The following C9orf50 variants were observed in gnomAD, a reference collection of about 807,000 sequenced individuals.
C9orf50 encodes the protein chromosome 9 open reading frame 50.
In C9orf50, 33 loss-of-function variants were observed where a neutral mutation model predicts 42.5. The observed-to-expected ratio is 0.78, with a 90% CI of 0.59 to 1.04. C9orf50 has a LOEUF of 1.04. C9orf50 is among the 50% of genes least tolerant of loss of function. C9orf50 has a pLI of 0.00. For synonymous variants in C9orf50, 257 were observed against 273.4 expected (o/e 0.94, Z 0.59); for missense variants, 547 against 594.3 (o/e 0.92, Z 0.83).
chr9:129,619,713 C>A (rs200420270), intron 2 of C9orf50, 27 bp downstream of exon 2: 60 of 1,612,804 alleles, frequency 3.7e-5, no homozygotes, highest in Admixed American at 2.0e-4. Context: ...CAACCCCGTC[C>A]CCACCAAGAA....
rs975184925 is a variant in C9orf50, at chr9:129,617,687, G to T, written c.716+1833C>A. Among the ~76,000 whole-genome samples, 24 of 151,916 alleles carry T rather than the reference G, an allele frequency of 1.6e-4. No individual in the cohort carries two copies. In the East Asian group the frequency reaches 3.3e-3, roughly 21 times the overall value. The stretch of plus-strand genomic sequence containing the variant: ...TAAATGTGTTTCACTGTTTTTGTTT[G>T]TTTGTTTGTTTTTTGAGACAGGGTC... On this transcript the variant is annotated intron_variant, in intron 3 of 6. Transcript: ENST00000372478.
intron 3 of C9orf50, among the ~76,000 whole-genome samples, chr9:129,616,363 G>A (rs1055820762): frequency 2.0e-5 from 3 of 152,106 alleles, no homozygotes; most frequent in Non-Finnish European, 4.4e-5. Context: ...CTACAGGCGT[G>A]TGCCACCACG....
At chr9:129,612,698 T>C (rs919681221) in intron 6 of C9orf50, among the ~76,000 whole-genome samples, 4 of 152,166 alleles carry the variant, frequency 2.6e-5, no homozygotes, top group African/African-American at 9.7e-5. Flanking sequence ...GCCAGCATAG[T>C]GAAACCCTGT....
intron 4 of C9orf50, among the ~76,000 whole-genome samples, chr9:129,615,169 G>A (rs78418238): frequency 0.013 from 1,935 of 152,348 alleles, 44 homozygotes; most frequent in African/African-American, 0.041. Context: ...AGGGGAGCAA[G>A]TGTGGGCTCT....
intron 3 of C9orf50, among the ~76,000 whole-genome samples, chr9:129,617,007 C>T (rs990699493): frequency 6.6e-6 from 1 of 151,898 alleles, no homozygotes; most frequent in Non-Finnish European, 1.5e-5. Flanking sequence ...GTAGAGGTTG[C>T]AGTGAGCCGA....
At chr9:129,612,626 C>T (rs1277771140) in intron 6 of C9orf50, among the ~76,000 whole-genome samples, 172 bp from the exon 7 acceptor site, 1 of 152,176 alleles carries the variant, frequency 6.6e-6, no homozygotes, top group Non-Finnish European at 1.5e-5. Flanking sequence ...GCCTGTAATC[C>T]CAGCAGTTTG....
intron 3 of C9orf50, 128 bp from the exon 4 acceptor site, chr9:129,615,775 C>T: frequency 9.6e-7 from 1 of 1,045,350 alleles, no homozygotes. Flanking sequence ...TGGATAACGC[C>T]AATCACAGCA....
intron 4 of C9orf50, among the ~76,000 whole-genome samples, chr9:129,615,194 C>T (rs549112111): frequency 5.3e-5 from 8 of 152,182 alleles, no homozygotes; most frequent in South Asian, 2.1e-4. Flanking sequence ...GCTCCGGCTA[C>T]GGGTCTCAAG....
chr9:129,617,643 T>C (rs1346194296), intron 3 of C9orf50, among the ~76,000 whole-genome samples: 1 of 152,232 alleles, frequency 6.6e-6, no homozygotes, highest in Non-Finnish European at 1.5e-5. Flanking sequence ...GCCTGATTGG[T>C]TGAACGTTCT....
Position 129,619,656 on chromosome 9 carries a change from C to T in C9orf50, c.600-20G>A, listed in dbSNP as rs1830572241. On this transcript the variant is annotated intron_variant, in intron 2 of 6. Coordinates refer to ENST00000372478, the Ensembl canonical transcript of C9orf50. ...TGGCCCCTTAAAGACAAACAGGCCACATCTGGCATGAGTGGCCAGGCTGTC... is the reference window on the plus strand; with the variant it reads ...TGGCCCCTTAAAGACAAACAGGCCATATCTGGCATGAGTGGCCAGGCTGTC... 1 of 1,613,374 alleles carries T rather than the reference C, an allele frequency of 6.2e-7. No homozygotes were observed. The highest frequency in any genetic ancestry group is 1.3e-5 in the African/African-American group (1 of 74,884).
chr9:129,615,277 C>CTTGG (rs1416782976), intron 4 of C9orf50, among the ~76,000 whole-genome samples: 2 of 152,194 alleles, frequency 1.3e-5, no homozygotes, highest in African/African-American at 4.8e-5. Flanking sequence ...GGAACACCTC[C>CTTGG]ACTGGACTCT....
At chr9:129,618,592 G>A (rs1830505284) in intron 3 of C9orf50, among the ~76,000 whole-genome samples, 1 of 152,194 alleles carries the variant, frequency 6.6e-6, no homozygotes, top group African/African-American at 2.4e-5. Context: ...AGTGTCCTGG[G>A]TTTACAAGTG....
At chr9:129,612,689 C>T (rs973758828) in intron 6 of C9orf50, among the ~76,000 whole-genome samples, 3 of 152,218 alleles carry the variant, frequency 2.0e-5, no homozygotes, top group Admixed American at 6.5e-5. Flanking sequence ...ACCAGCCTGG[C>T]CAGCATAGTG....
At chr9:129,616,340 C>T (rs186225580) in intron 3 of C9orf50, among the ~76,000 whole-genome samples, 47 of 152,258 alleles carry the variant, frequency 3.1e-4, no homozygotes, top group Non-Finnish European at 2.9e-5. Flanking sequence ...CTCAGCCTCC[C>T]GAGTAGCTGG....
intron 3 of C9orf50, 62 bp from the exon 4 acceptor site, chr9:129,615,709 C>A: frequency 1.4e-6 from 2 of 1,455,100 alleles, no homozygotes; most frequent in South Asian, 2.9e-5. Context: ...ACACACGCAC[C>A]AGCCCCAGAC....
intron 3 of C9orf50, among the ~76,000 whole-genome samples, chr9:129,618,839 C>G (rs1830517043): frequency 1.3e-5 from 2 of 151,386 alleles, no homozygotes; most frequent in African/African-American, 4.9e-5. Flanking sequence ...ACTACAGGCG[C>G]CCGCCACCAC....
chr9:129,612,995 G>T, intron 6 of C9orf50, 112 bp downstream of exon 6: 1 of 1,392,170 alleles, frequency 7.2e-7, no homozygotes. Context: ...TTGGCTCTCA[G>T]GGAGGGTCCA....
At chr9:129,612,252 C>T (rs1424167335) in exon 7 of C9orf50, 4 of 1,086,236 alleles carry the variant, frequency 3.7e-6, no homozygotes. Flanking sequence ...CTGGCAGGTC[C>T]CAGCCACCTG....
rs1457918020 is a variant in C9orf50, at chr9:129,620,464, C to A, written c.111G>T (p.Pro37=). The change falls in exon 1 of 7, where the codon CCG becomes CCT. Residue 37 remains proline, a synonymous_variant. Coordinates refer to ENST00000372478, the Ensembl canonical transcript of C9orf50. This position sits in a 1 kb window ranked among gnomAD's most constrained non-coding sequence, Gnocchi z 5.8. Reference sequence around the variant, plus strand: ...CGCCCAGAGCCGCTCGGAGCGCGGGCGGGGTCAGCTTGGGCAGCCGCGGGT... The same window carrying A: ...CGCCCAGAGCCGCTCGGAGCGCGGGAGGGGTCAGCTTGGGCAGCCGCGGGT... 3 of 1,341,024 alleles carry A rather than the reference C, an allele frequency of 2.2e-6. No individual in the cohort carries two copies. The highest frequency in any genetic ancestry group is 3.3e-5 in the Admixed American group (1 of 30,056). 83.1% of individuals were successfully genotyped at this position (1,341,024 alleles called of 1,614,324 possible).
Sources: gnomAD v4.1 joint callset for allele counts (sites outside exome capture counted in the v4.1 genomes callset) on GRCh38, gnomAD v4.1.1 for gene constraint, Gnocchi (gnomAD v3.1) non-coding constraint, MANE v1.5 for transcripts, NCBI Gene and HGNC (gene_info 2026-07-23, HGNC 2026-07-21) for gene names.